The following PLCH1 variants were observed in gnomAD, a reference collection of about 807,000 sequenced individuals.
PLCH1 encodes 1-phosphatidylinositol 4,5-bisphosphate phosphodiesterase eta-1.
A neutral mutation model predicts 126.7 loss-of-function variants in PLCH1; 60 were observed. The ratio of observed to expected loss-of-function variants is 0.47; its 90% CI spans 0.38 to 0.59. The LOEUF (loss-of-function observed/expected upper bound fraction) is 0.59. Ranked by LOEUF, PLCH1 falls within the 20% of genes least tolerant of loss-of-function variation. PLCH1 has a pLI of 0.00. For missense variants in PLCH1, 1,723 were observed against 2,040.0 expected, an observed-to-expected ratio of 0.84 and a Z score of 2.99; for synonymous variants, 719 against 734.9, an observed-to-expected ratio of 0.98 and a Z score of 0.35.
At chr3:155,483,518 A>G (rs143448606) in intron 22 of PLCH1, 265 of 448,638 alleles carry the variant, frequency 5.9e-4, no homozygotes, top group African/African-American at 4.9e-3. Context: ...GAAGAAAAAC[A>G]TAATAATATC....
chr3:155,628,429 C>A (rs969418971), intron 2 of PLCH1, among the ~76,000 whole-genome samples: 1 of 150,958 alleles, frequency 6.6e-6, no homozygotes, highest in Admixed American at 6.6e-5. Flanking sequence ...GCAAACAAGC[C>A]TTGCTAAGTT....
intron 2 of PLCH1, among the ~76,000 whole-genome samples, chr3:155,616,515 A>C (rs1735821715): frequency 6.6e-6 from 1 of 152,170 alleles, no homozygotes; most frequent in Non-Finnish European, 1.5e-5. Context: ...AAAATTGTAA[A>C]AGGTTATAAA....
chr3:155,460,808 A>AGATAGATAGAT (rs1712691476), intron 21 of PLCH1, among the ~76,000 whole-genome samples: 1 of 150,104 alleles, frequency 6.7e-6, no homozygotes, highest in African/African-American at 2.5e-5. Context: ...ATAGATAGAT[A>AGATAGATAGAT]GATAGATAGA....
chr3:155,682,220 A>T (rs1315119667), intron 2 of PLCH1, among the ~76,000 whole-genome samples: 1 of 152,220 alleles, frequency 6.6e-6, no homozygotes, highest in Admixed American at 6.5e-5. Flanking sequence ...GAGTTAAATG[A>T]ATGAGAGAAG....
At chr3:155,672,142 A>G (rs1226150947) in intron 2 of PLCH1, among the ~76,000 whole-genome samples, 1 of 152,126 alleles carries the variant, frequency 6.6e-6, no homozygotes, top group African/African-American at 2.4e-5. Flanking sequence ...GATGAATCCT[A>G]CTGTGTTCCT....
rs186392499 is a variant in PLCH1 at position 155,745,010 on chromosome 3, G to T, written c.-211C>A. ...GAAGAGCACTTCTCCCCACTAGCCA[G>T]CAGAAGCCCCAGACGAGCGGGGAAG... On this transcript the variant is annotated 5_prime_UTR_variant, in exon 1 of 23. In the 5' UTR this introduces an upstream ATG that the reference lacks. Transcript: ENST00000460012. The T allele has an allele frequency of 6.5e-6, 1 of 152,868 alleles. No individual in the cohort carries two copies. The highest frequency in any genetic ancestry group is 2.4e-5 in the African/African-American group (1 of 41,564). The allele number at this position is 152,868 out of a possible 1,614,324, so 9.5% of individuals were successfully genotyped here. A position where few individuals can be genotyped will look rare whatever the true frequency, so the allele number is the denominator to read the frequency against.
chr3:155,645,564 C>A (rs1739928024), intron 2 of PLCH1, among the ~76,000 whole-genome samples: 1 of 152,162 alleles, frequency 6.6e-6, no homozygotes. Flanking sequence ...GCAGCCTCAA[C>A]CTCCCAGGCT....
At chr3:155,603,274 A>C (rs978567178) in intron 2 of PLCH1, among the ~76,000 whole-genome samples, 1 of 152,252 alleles carries the variant, frequency 6.6e-6, no homozygotes, top group Non-Finnish European at 1.5e-5. Context: ...GAAAGAGATT[A>C]GCTTCTGAAA....
At chr3:155,484,867 A>C (rs1335900926) in intron 22 of PLCH1, among the ~76,000 whole-genome samples, 1 of 152,180 alleles carries the variant, frequency 6.6e-6, no homozygotes, top group African/African-American at 2.4e-5. Context: ...ACAGGAAAAC[A>C]CTGCCTGAGC....
At chr3:155,518,908 G>T (rs770950844) in intron 11 of PLCH1, among the ~76,000 whole-genome samples, 14 of 152,120 alleles carry the variant, frequency 9.2e-5, no homozygotes, top group Non-Finnish European at 1.9e-4. Flanking sequence ...GCAAGGAAAG[G>T]CTCAAAATAC....
intron 21 of PLCH1, among the ~76,000 whole-genome samples, chr3:155,486,810 C>T (rs1390773565): frequency 6.6e-6 from 1 of 152,108 alleles, no homozygotes; most frequent in Non-Finnish European, 1.5e-5. Flanking sequence ...AGGCGTGAGC[C>T]ACCGCGCCTG....
intron 18 of PLCH1, among the ~76,000 whole-genome samples, chr3:155,491,718 G>A (rs1415422615): frequency 6.6e-6 from 1 of 152,186 alleles, no homozygotes; most frequent in African/African-American, 2.4e-5. Flanking sequence ...TGCTGTGATA[G>A]GGGTTGGTGT....
intron 21 of PLCH1, among the ~76,000 whole-genome samples, chr3:155,469,079 T>C (rs1008246941): frequency 1.8e-4 from 28 of 152,144 alleles, no homozygotes; most frequent in Non-Finnish European, 2.9e-5. Context: ...GGAGCCAAGA[T>C]GGCCGAATAG....
rs1740283272 is a variant in PLCH1 at position 155,648,243 on chromosome 3, C to T, written c.80-51865G>A. Among the ~76,000 whole-genome samples, 4 of 152,132 alleles carry T rather than the reference C, an allele frequency of 2.6e-5. No homozygotes were observed. In the South Asian group the frequency reaches 8.3e-4, roughly 32 times the overall value. On this transcript the variant is annotated intron_variant, in intron 2 of 22. Coordinates refer to ENST00000460012, the MANE Select transcript of PLCH1 (RefSeq NM_014996.4). ...AGTAGTATTGGAGATTTCCTGATGT[C>T]CAGCTTCAATCCTCTTACATTCATC... is the stretch of plus-strand genomic sequence containing the variant.
chr3:155,703,250 G>T (rs1577344029), intron 2 of PLCH1, among the ~76,000 whole-genome samples: 1 of 152,258 alleles, frequency 6.6e-6, no homozygotes, highest in East Asian at 1.9e-4. Context: ...TCATCAAATT[G>T]GGGAAGACTT....
rs534198846 is a variant in PLCH1 at position 155,664,163 on chromosome 3, G to A, written c.79+39983C>T. Among the ~76,000 whole-genome samples, 12 of 152,316 alleles carry A rather than the reference G, an allele frequency of 7.9e-5. No homozygotes were observed. In the South Asian group the frequency reaches 1.9e-3, roughly 24 times the overall value. On this transcript the variant is annotated intron_variant, in intron 2 of 22. Coordinates refer to ENST00000460012, the MANE Select transcript of PLCH1 (RefSeq NM_014996.4). ...CTGGCAAAGGCAGCATAGTAGAGGG[G>A]ATTCAGCTGGGACTGAACTCAGGGT...
chr3:155,632,484 C>T (rs1052996141), intron 2 of PLCH1, among the ~76,000 whole-genome samples: 12 of 152,154 alleles, frequency 7.9e-5, no homozygotes, highest in Non-Finnish European at 1.6e-4. Context: ...ACTTTCCAGT[C>T]CAAAATGCAG....
chr3:155,722,240 C>T (rs558137510), intron 1 of PLCH1, among the ~76,000 whole-genome samples: 8 of 151,942 alleles, frequency 5.3e-5, no homozygotes, highest in African/African-American at 1.4e-4. Context: ...CTCGGCTCAC[C>T]GCAACCTCTG....
chr3:155,660,954 T>C (rs1302912019), intron 2 of PLCH1, among the ~76,000 whole-genome samples: 1 of 152,240 alleles, frequency 6.6e-6, no homozygotes, highest in African/African-American at 2.4e-5. Context: ...CCTATCTGCC[T>C]GCCTGAGGCT....
Sources: gnomAD v4.1 joint callset for allele counts (sites outside exome capture counted in the v4.1 genomes callset) on GRCh38, gnomAD v4.1.1 for gene constraint, MANE v1.5 for transcripts, NCBI Gene and HGNC (gene_info 2026-07-23, HGNC 2026-07-21) for gene names.